The following RHBDL3 variants were observed in gnomAD, a reference collection of about 807,000 sequenced individuals.
RHBDL3 encodes the protein rhomboid like 3, also known as rhomboid-related protein 3.
Under a neutral mutation model 48.2 loss-of-function variants are expected in RHBDL3, and 28 were observed. The observed-to-expected ratio is 0.58, with a 90% confidence interval of 0.43 to 0.80. The LOEUF (loss-of-function observed/expected upper bound fraction) is 0.80. Among genes scored for constraint, RHBDL3 ranks in the 30% least tolerant of loss-of-function variants. The pLI, the probability that RHBDL3 is intolerant of heterozygous loss-of-function variation, is 0.00. For synonymous variants in RHBDL3, 208 were observed against 232.3 expected (o/e 0.90, Z 0.95); for missense variants, 464 against 542.7 (o/e 0.85, Z 1.44).
rs202113453 is a variant in RHBDL3 at position 32,311,860 on chromosome 17, TCA to T, written c.883-4369_883-4368del. Reference sequence around the variant, plus strand: ...TTACATATATTAATTCATTTCATTCTCACAACCACCTGATGAGGTGGGGAACT... The same window carrying T: ...TTACATATATTAATTCATTTCATTCTCAACCACCTGATGAGGTGGGGAACT... On this transcript the variant is annotated intron_variant, in intron 7 of 8. Transcript: ENST00000269051. 9.8e-3 allele frequency among the ~76,000 whole-genome samples: 1,490 copies of T among 152,308 alleles called. 27 individuals carry two copies. Among genetic ancestry groups the T allele is most frequent in the African/African-American group, 0.034 (1,427 of 41,566 alleles).
chr17:32,298,156 C>T lies in RHBDL3; in HGVS notation c.733C>T (p.His245Tyr). ...LLVGVPLEMV[H>Y]GATRIGLVYV... ...GGTGGGGGTGCCCCTGGAGATGGTG[C>T]ATGGAGCCACCCGAATTGGGCTTGT... The change falls in exon 6 of 9, where the codon CAT becomes TAT. Residue 245 changes from histidine (H) to tyrosine (Y), a missense_variant. By Grantham distance (83) the His-to-Tyr change is moderately conservative. Transcript: ENST00000269051. The T allele has an allele frequency of 6.2e-7, 1 of 1,614,052 alleles. No individual in the cohort carries two copies. Among genetic ancestry groups the T allele is most frequent in the Non-Finnish European group, 8.5e-7 (1 of 1,179,910 alleles).
chr17:32,312,871 G>A (rs775407778), intron 7 of RHBDL3, among the ~76,000 whole-genome samples: 1 of 152,016 alleles, frequency 6.6e-6, no homozygotes, highest in Non-Finnish European at 1.5e-5. Context: ...GTGTGCTGGT[G>A]CAATTTCAGC....
chr17:32,283,325 T>TG (rs1402823396), intron 2 of RHBDL3, among the ~76,000 whole-genome samples: 15 of 141,716 alleles, frequency 1.1e-4, no homozygotes, highest in Non-Finnish European at 2.0e-4. Flanking sequence ...TTCTTTTTTT[T>TG]TTTTTTTTTT....
At chr17:32,287,131 T>A (rs2040215975) in intron 3 of RHBDL3, among the ~76,000 whole-genome samples, 1 of 152,200 alleles carries the variant, frequency 6.6e-6, no homozygotes, top group Non-Finnish European at 1.5e-5. Flanking sequence ...TCTCCACTTG[T>A]AAGCTCCATG....
In RHBDL3 at chr17:32,277,350, A is replaced by T. The variant is rs1397484408; in HGVS notation, c.136-7309A>T. Among the ~76,000 whole-genome samples the T allele has an allele frequency of 3.9e-5, 6 of 152,236 alleles. No individual in the cohort carries two copies. In the East Asian group the frequency reaches 1.2e-3, roughly 29 times the overall value. ...ACACATACATCATAGACACAAGAAGACAGAGGTATGTCCTTCTCTCTCTCA... is the reference window on the plus strand; with the variant it reads ...ACACATACATCATAGACACAAGAAGTCAGAGGTATGTCCTTCTCTCTCTCA... On this transcript the variant is annotated intron_variant, in intron 2 of 8. Transcript: ENST00000269051.
At chr17:32,308,696 C>G (rs1403221663) in intron 7 of RHBDL3, among the ~76,000 whole-genome samples, 1 of 152,210 alleles carries the variant, frequency 6.6e-6, no homozygotes, top group African/African-American at 2.4e-5. Flanking sequence ...GCTGGTTTCT[C>G]TTTGTCAAGA....
At chr17:32,301,387 T>G (rs1409186731) in intron 6 of RHBDL3, among the ~76,000 whole-genome samples, 1 of 142,452 alleles carries the variant, frequency 7.0e-6, no homozygotes, top group Non-Finnish European at 1.5e-5. Flanking sequence ...GGCAACATAG[T>G]GAGACCCCCA....
chr17:32,267,744 T>A, intron 1 of RHBDL3, 158 bp from the exon 2 acceptor site: 1 of 1,267,604 alleles, frequency 7.9e-7, no homozygotes, highest in Non-Finnish European at 1.0e-6. Context: ...AGACTTCCCC[T>A]GCTCTCCTGT....
chr17:32,299,471 T>G lies in RHBDL3; in HGVS notation c.781+1267T>G, dbSNP rs1343207185. Among the ~76,000 whole-genome samples, 8 of 152,204 alleles carry G rather than the reference T, an allele frequency of 5.3e-5. No individual in the cohort carries two copies. The East Asian group carries it at 1.3e-3, about 26-fold the overall frequency. On this transcript the variant is annotated intron_variant, in intron 6 of 8. Transcript: ENST00000269051. ...TAATGAGCATCTCTAAGTGCCAGAC[T>G]TGTTCAGCCACCCACACACCCCCTA... is the stretch of plus-strand genomic sequence containing the variant.
At chr17:32,307,523 A>G (rs1411493058) in intron 7 of RHBDL3, among the ~76,000 whole-genome samples, 3 of 152,172 alleles carry the variant, frequency 2.0e-5, no homozygotes, top group Non-Finnish European at 4.4e-5. Flanking sequence ...GAAAGAGCAC[A>G]AGAGGGAGGG....
intron 7 of RHBDL3, among the ~76,000 whole-genome samples, chr17:32,311,331 G>A (rs1467106415): frequency 1.3e-5 from 2 of 152,182 alleles, no homozygotes; most frequent in Non-Finnish European, 1.5e-5. Flanking sequence ...TTTTATTGGC[G>A]GGAATATTGG....
intron 3 of RHBDL3, among the ~76,000 whole-genome samples, chr17:32,286,513 C>A (rs970152404): frequency 6.6e-6 from 1 of 152,170 alleles, no homozygotes; most frequent in Non-Finnish European, 1.5e-5. Context: ...AGCCTCTGAG[C>A]CTGCCTTTTC....
chr17:32,280,032 G>C (rs2040005305), intron 2 of RHBDL3, among the ~76,000 whole-genome samples: 1 of 152,168 alleles, frequency 6.6e-6, no homozygotes, highest in African/African-American at 2.4e-5. Context: ...AGAGGATTAG[G>C]GTCGGACGCT....
chr17:32,321,220 T>TC lies in RHBDL3; in HGVS notation c.1212dup (p.Ter405LeufsTer59), dbSNP rs2041124277. ...CCCTGCTGGACTTAAAGCTGCCGCC[T>TC]CCCCCCTGAGGGCTGGAGGCCCAAG... On this transcript the variant is annotated frameshift_variant, in exon 9 of 9. Transcript: ENST00000269051. LOFTEE classifies it high-confidence loss of function. The TC allele has an allele frequency of 2.5e-6, 4 of 1,613,662 alleles. No individual in the cohort carries two copies. Among genetic ancestry groups the TC allele is most frequent in the Non-Finnish European group, 3.4e-6 (4 of 1,179,912 alleles).
At chr17:32,284,410 T>C in intron 2 of RHBDL3, 1 of 443,778 alleles carries the variant, frequency 2.3e-6, no homozygotes, top group Middle Eastern at 6.0e-4. Context: ...CGGTTTAACC[T>C]CTCTGAGCCT....
chr17:32,306,842 GC>G (rs1399051964), intron 7 of RHBDL3, among the ~76,000 whole-genome samples: 25 of 151,956 alleles, frequency 1.6e-4, no homozygotes, highest in Admixed American at 7.9e-4. Flanking sequence ...AATCAGTTGA[GC>G]CTGGGAAGCA....
intron 7 of RHBDL3, among the ~76,000 whole-genome samples, chr17:32,307,660 G>A (rs1041365844): frequency 6.6e-6 from 1 of 152,166 alleles, no homozygotes; most frequent in Non-Finnish European, 1.5e-5. Context: ...GGGAAACGTG[G>A]AACGGTGAGC....
chr17:32,315,858 G>T (rs1026404773), intron 7 of RHBDL3, among the ~76,000 whole-genome samples: 6 of 151,758 alleles, frequency 4.0e-5, no homozygotes, highest in Admixed American at 6.6e-5. Context: ...AGGATTTTGA[G>T]CTCTTTTATC....
chr17:32,319,595 G>C (rs1417670732), intron 8 of RHBDL3, among the ~76,000 whole-genome samples: 1 of 152,172 alleles, frequency 6.6e-6, no homozygotes, highest in Non-Finnish European at 1.5e-5. Context: ...CGGAGGGTCA[G>C]TCCCTGGATG....
Sources: gnomAD v4.1 joint callset for allele counts (sites outside exome capture counted in the v4.1 genomes callset) on GRCh38, gnomAD v4.1.1 for gene constraint, MANE v1.5 for transcripts, NCBI Gene and HGNC (gene_info 2026-07-23, HGNC 2026-07-21) for gene names.